Variants in NUCB1 observed in about 807,000 individuals in gnomAD.
NUCB1 encodes nucleobindin 1, also known as nucleobindin-1.
NUCB1 carries 47 observed loss-of-function variants against 61.2 expected under a neutral mutation model. The ratio of observed to expected loss-of-function variants is 0.77; its 90% CI spans 0.61 to 0.98. The LOEUF is 0.98. NUCB1 is among the 50% of genes least tolerant of loss of function. The pLI, the probability that NUCB1 is intolerant of heterozygous loss-of-function variation, is 0.00. For synonymous variants in NUCB1, 234 were observed against 243.1 expected, an observed-to-expected ratio of 0.96 and a Z score of 0.35; for missense variants, 583 against 605.3, an observed-to-expected ratio of 0.96 and a Z score of 0.39.
At chr19:48,900,536 C>G (rs2037342397) in intron 1 of NUCB1, 164 bp downstream of exon 1, 2 of 553,206 alleles carry the variant, frequency 3.6e-6, no homozygotes, top group African/African-American at 1.9e-5. Context: ...AGGAGGCGGC[C>G]GAGATCCCGG....
chr19:48,920,503 C>A (rs577704036), intron 10 of NUCB1, among the ~76,000 whole-genome samples: 6 of 151,866 alleles, frequency 4.0e-5, no homozygotes, highest in Admixed American at 2.0e-4. Context: ...ATCTAGGTCT[C>A]TGTTTTATTT....
chr19:48,915,841 A>T (rs1284778887), intron 7 of NUCB1, among the ~76,000 whole-genome samples: 1 of 150,386 alleles, frequency 6.6e-6, no homozygotes, highest in Non-Finnish European at 1.5e-5. Context: ...TTGAGACAGG[A>T]TCTTGCTATG....
chr19:48,901,119 G>A (rs1474872009), intron 2 of NUCB1, 188 bp downstream of exon 2: 1 of 662,760 alleles, frequency 1.5e-6, no homozygotes, highest in Non-Finnish European at 2.7e-6. Context: ...CCCTGACTCT[G>A]AGGTGTGGAA....
Position 48,905,642 on chromosome 19 carries a change from A to G in NUCB1, c.244-111A>G, listed in dbSNP as rs182940702. On this transcript the variant is annotated intron_variant, in intron 3 of 12. Coordinates refer to ENST00000405315, the MANE Select transcript of NUCB1 (RefSeq NM_006184.6). ...GGAGACTCTGAGGAGCTGGGGGACT[A>G]TAAGCAGGGAAGGGGCAGTATAAGA... 4 of 1,295,712 alleles carry G rather than the reference A, an allele frequency of 3.1e-6. No homozygotes were observed. The Admixed American group carries it at 8.0e-5, about 26-fold the overall frequency. 80.3% of individuals were successfully genotyped at this position (1,295,712 alleles called of 1,614,324 possible). A position where few individuals can be genotyped will look rare whatever the true frequency, so the allele number is the denominator to read the frequency against.
chr19:48,921,422 A>G, intron 11 of NUCB1, 98 bp downstream of exon 11: 1 of 1,349,758 alleles, frequency 7.4e-7, no homozygotes, highest in South Asian at 1.3e-5. Flanking sequence ...TGTGGCCACC[A>G]TGTTAATCAC....
At chr19:48,904,591 C>G (rs1008356342) in intron 3 of NUCB1, 137 bp downstream of exon 3, 41 of 598,266 alleles carry the variant, frequency 6.9e-5, no homozygotes, top group Non-Finnish European at 1.5e-5. Context: ...ATGGTGCGAT[C>G]TCAGCTCACT....
chr19:48,916,344 G>A (rs1172396625), intron 7 of NUCB1, among the ~76,000 whole-genome samples: 1 of 152,178 alleles, frequency 6.6e-6, no homozygotes, highest in Non-Finnish European at 1.5e-5. Context: ...TGGGCTGGAT[G>A]CGGTGGCTCA....
chr19:48,911,751 A>C (rs1346482703), intron 5 of NUCB1, among the ~76,000 whole-genome samples: 2 of 151,874 alleles, frequency 1.3e-5, no homozygotes, highest in African/African-American at 2.4e-5. Context: ...CATCATCTTA[A>C]CTAATTACAT....
intron 3 of NUCB1, among the ~76,000 whole-genome samples, 185 bp from the exon 4 acceptor site, chr19:48,905,556 GGGCAGCACAGGT>G (rs1335195195): frequency 1.6e-4 from 24 of 152,318 alleles, no homozygotes; most frequent in African/African-American, 5.8e-4. Flanking sequence ...ACAGGAGATG[GGGCAGCACAGGT>G]GGGCAGGGCC....
At chr19:48,902,420 CTTTTTTT>C (rs58758940) in intron 2 of NUCB1, among the ~76,000 whole-genome samples, 8 of 130,030 alleles carry the variant, frequency 6.2e-5, no homozygotes, top group Admixed American at 1.6e-4. Flanking sequence ...TTTCCTTTTT[CTTTTTTT>C]TTTTTTTTTT....
At chr19:48,921,741 G>A in intron 11 of NUCB1, 86 bp from the exon 12 acceptor site, 1 of 1,282,362 alleles carries the variant, frequency 7.8e-7, no homozygotes, top group South Asian at 1.2e-5. Context: ...AGGCTGCTGT[G>A]AAGTCTCCGT....
At chr19:48,913,253 C>A (rs1029132098) in intron 6 of NUCB1, 57 bp downstream of exon 6, 2 of 1,525,312 alleles carry the variant, frequency 1.3e-6, no homozygotes, top group African/African-American at 1.4e-5. Context: ...AAACGCAAGA[C>A]AAGAAAGCAG....
intron 4 of NUCB1, among the ~76,000 whole-genome samples, chr19:48,907,313 T>A (rs1273209802): frequency 7.1e-6 from 1 of 139,902 alleles, no homozygotes; most frequent in African/African-American, 2.7e-5. Flanking sequence ...TCTTGCTCTG[T>A]CTCCCAGGCT....
In NUCB1 at chr19:48,908,377, G is replaced by A. The variant is rs188512941; in HGVS notation, c.376+2492G>A. Among the ~76,000 whole-genome samples the A allele has an allele frequency of 2.8e-3, 420 of 152,180 alleles. 1 individual carries two copies. The highest frequency in any genetic ancestry group is 9.1e-3 in the African/African-American group (380 of 41,536). ...ACTCCTGACCTCAGGTGATCCACCC[G>A]CCTCAGCCTCCCAAATTGCTGAGAT... On this transcript the variant is annotated intron_variant, in intron 4 of 12. Transcript: ENST00000405315.
intron 10 of NUCB1, 109 bp downstream of exon 10, chr19:48,919,395 C>T (rs73063535): frequency 0.1 from 75,912 of 724,680 alleles, 4,516 homozygotes; most frequent in Middle Eastern, 0.2. Flanking sequence ...CCCGTCCATT[C>T]TCCTGGGTCA....
chr19:48,900,569 C>T, intron 1 of NUCB1, 197 bp downstream of exon 1: 1 of 594,706 alleles, frequency 1.7e-6, no homozygotes, highest in Non-Finnish European at 2.9e-6. Flanking sequence ...GAGAGAGGAG[C>T]GTGTTGGGAG....
At chr19:48,903,393 GTT>G (rs1491281711) in intron 2 of NUCB1, among the ~76,000 whole-genome samples, 13,298 of 133,976 alleles carry the variant, frequency 0.099, 2,672 homozygotes, top group African/African-American at 0.21. Flanking sequence ...TGGATGGGCA[GTT>G]GGATGGATGG....
chr19:48,908,721 G>GGTGTGTGTGTGTGTGT (rs57686025), intron 4 of NUCB1, among the ~76,000 whole-genome samples: 7 of 109,328 alleles, frequency 6.4e-5, no homozygotes, highest in African/African-American at 1.1e-4. Context: ...TTGACCAAGG[G>GGTGTGTGTGTGTGTGT]GTGTGTGTGT....
intron 4 of NUCB1, among the ~76,000 whole-genome samples, chr19:48,908,165 C>G (rs1432040768): frequency 6.6e-6 from 1 of 152,158 alleles, no homozygotes; most frequent in African/African-American, 2.4e-5. Context: ...GAGTCTCACT[C>G]TGTCGCCCAG....
Sources: gnomAD v4.1 joint callset for allele counts (sites outside exome capture counted in the v4.1 genomes callset) on GRCh38, gnomAD v4.1.1 for gene constraint, MANE v1.5 for transcripts, NCBI Gene and HGNC (gene_info 2026-07-23, HGNC 2026-07-21) for gene names.